Variants in FRMPD2 observed in about 807,000 individuals in gnomAD.
FRMPD2 encodes the protein FERM and PDZ domain-containing protein 2.
In FRMPD2, 96 loss-of-function variants were observed where a neutral mutation model predicts 140.1. That is an observed-to-expected ratio of 0.69 (90% CI 0.58 to 0.81). The LOEUF (loss-of-function observed/expected upper bound fraction) is 0.81. FRMPD2 is among the 40% of genes least tolerant of loss of function. FRMPD2 has a pLI of 0.00. For synonymous variants in FRMPD2, 449 were observed against 547.6 expected (o/e 0.82, Z 2.52); for missense variants, 1,240 against 1,447.4 (o/e 0.86, Z 2.32).
intron 1 of FRMPD2, among the ~76,000 whole-genome samples, chr10:48,255,054 A>C (rs552042710): frequency 6.6e-6 from 1 of 152,286 alleles, no homozygotes; most frequent in Admixed American, 6.5e-5. Context: ...GACAGTGAGG[A>C]TGTTCTGGGA....
chr10:48,228,181 C>T (rs1839769307), intron 10 of FRMPD2, among the ~76,000 whole-genome samples: 1 of 151,984 alleles, frequency 6.6e-6, no homozygotes, highest in African/African-American at 2.4e-5. Flanking sequence ...AAGATAATGA[C>T]TACATTTGTT....
intron 10 of FRMPD2, among the ~76,000 whole-genome samples, chr10:48,224,853 T>G (rs1355084966): frequency 1.3e-5 from 2 of 152,206 alleles, no homozygotes. Flanking sequence ...TATGGATCAA[T>G]AACAACACAA....
chr10:48,174,929 C>T lies in FRMPD2; in HGVS notation c.3016G>A (p.Val1006Met). The change falls in exon 24 of 29, where the codon GTG (valine) becomes ATG (methionine). Residue 1006 changes from valine to methionine, a missense_variant. Physicochemically the swap from Val to Met is conservative, Grantham distance 21. Transcript: ENST00000374201. ...TTGTGGGTGAGGCCGCACAGAATCA[C>T]TCCATCCACCTGCAGGAGTCGGTCA... ...QGDRLLQVDGVILCGLTHKQA... is the reference protein window; with the variant it reads ...QGDRLLQVDGMILCGLTHKQA... 1 of 690,556 alleles carries T rather than the reference C, an allele frequency of 1.4e-6. No individual in the cohort carries two copies. 42.8% of individuals were successfully genotyped at this position (690,556 alleles called of 1,614,324 possible).
At chr10:48,170,553 G>A (rs1441322303) in intron 26 of FRMPD2, among the ~76,000 whole-genome samples, 2 of 151,284 alleles carry the variant, frequency 1.3e-5, no homozygotes, top group Non-Finnish European at 2.9e-5. Context: ...AATATATACA[G>A]TATTTCATTA....
At chr10:48,176,815 T>C (rs1175744967) in intron 22 of FRMPD2, among the ~76,000 whole-genome samples, 1 of 136,258 alleles carries the variant, frequency 7.3e-6, no homozygotes, top group Non-Finnish European at 1.6e-5. Flanking sequence ...ATGAGCCTTA[T>C]TGCTTGGTTT....
At chr10:48,163,734 A>C in intron 27 of FRMPD2, 63 bp from the exon 28 acceptor site, 1 of 990,048 alleles carries the variant, frequency 1.0e-6, no homozygotes, top group South Asian at 1.3e-5. Flanking sequence ...TAAAAATACA[A>C]AGCTTTTTTC....
At chr10:48,244,179 T>A (rs781670761) in intron 4 of FRMPD2, among the ~76,000 whole-genome samples, 3 of 152,158 alleles carry the variant, frequency 2.0e-5, no homozygotes, top group Non-Finnish European at 4.4e-5. Context: ...GAGACAGGGT[T>A]TTGCCATGTT....
chr10:48,191,453 C>T (rs1350020711), intron 16 of FRMPD2, among the ~76,000 whole-genome samples: 1 of 152,318 alleles, frequency 6.6e-6, no homozygotes, highest in African/African-American at 2.4e-5. Flanking sequence ...TTGTTTTAAG[C>T]CACTGTGCTT....
intron 8 of FRMPD2, among the ~76,000 whole-genome samples, chr10:48,237,602 C>A (rs1839997008): frequency 6.6e-6 from 1 of 152,122 alleles, no homozygotes; most frequent in Non-Finnish European, 1.5e-5. Context: ...CCTATAGAAG[C>A]CCTCCCTGCG....
chr10:48,201,209 G>T lies in FRMPD2; in HGVS notation c.1954+19C>A. ...ACAAACTTGTCAAAGTGTATATGGA[G>T]AATACAGCTTCTACTCACCAAATAA... is the stretch of plus-strand genomic sequence containing the variant. On this transcript the variant is annotated intron_variant, in intron 15 of 28. Transcript: ENST00000374201. 2 of 1,579,336 alleles carry T rather than the reference G, an allele frequency of 1.3e-6. No individual in the cohort carries two copies. Among genetic ancestry groups the T allele is most frequent in the Non-Finnish European group, 1.7e-6 (2 of 1,161,518 alleles).
intron 8 of FRMPD2, among the ~76,000 whole-genome samples, chr10:48,236,858 A>C (rs1210201754): frequency 1.3e-5 from 2 of 152,236 alleles, no homozygotes; most frequent in Non-Finnish European, 2.9e-5. Context: ...TATGTATCAA[A>C]AGTATAAAAT....
intron 16 of FRMPD2, among the ~76,000 whole-genome samples, chr10:48,191,121 A>G (rs1017231658): frequency 1.3e-5 from 2 of 152,174 alleles, no homozygotes; most frequent in African/African-American, 4.8e-5. Flanking sequence ...CTTAGACTTG[A>G]AGAGAACTGA....
intron 22 of FRMPD2, 128 bp downstream of exon 22, chr10:48,177,919 T>C (rs1838449880): frequency 3.3e-6 from 2 of 604,838 alleles, no homozygotes; most frequent in Admixed American, 5.0e-5. Flanking sequence ...CCACTGGCTT[T>C]TTTATTTACC....
intron 13 of FRMPD2, among the ~76,000 whole-genome samples, chr10:48,209,691 G>C (rs1035016357): frequency 9.9e-5 from 15 of 152,198 alleles, no homozygotes; most frequent in Non-Finnish European, 1.8e-4. Flanking sequence ...GCTGCACGAG[G>C]TGTCTTAGCA....
rs1840057105 is a variant in FRMPD2 at position 48,239,683 on chromosome 10, C to G, written c.710G>C (p.Arg237Thr). 2 of 1,613,520 alleles carry G rather than the reference C, an allele frequency of 1.2e-6. No homozygotes were observed. Among genetic ancestry groups the G allele is most frequent in the Non-Finnish European group, 1.7e-6 (2 of 1,179,706 alleles). The change falls in exon 7 of 29, where the codon AGA becomes ACA. Residue 237 changes from arginine to threonine, a missense_variant. Arg to Thr is a moderately conservative substitution (Grantham distance 71). This residue lies in a region of FRMPD2 where 1,161 missense variants were observed against 1,055.9 expected (regional missense o/e 1.10). Coordinates refer to ENST00000374201, the MANE Select transcript of FRMPD2 (RefSeq NM_001018071.4). ...ECLHPCRVSE[R>T]STETQSSPEP... ...TGGTGAGCTCTGGGTCTCCGTGCTT[C>G]TTTCTGAAACTAATCAAGCAGCATG... is the stretch of plus-strand genomic sequence containing the variant.
chr10:48,217,339 A>T (rs1839473810), intron 12 of FRMPD2, among the ~76,000 whole-genome samples: 3 of 152,204 alleles, frequency 2.0e-5, no homozygotes, highest in African/African-American at 7.2e-5. Context: ...AAATGAATTC[A>T]TCATCCCACA....
At chr10:48,244,706 G>A (rs547355823) in intron 4 of FRMPD2, 78 bp downstream of exon 4, 3 of 1,073,172 alleles carry the variant, frequency 2.8e-6, no homozygotes, top group Non-Finnish European at 2.9e-6. Flanking sequence ...CAGTAAATGT[G>A]GTCCCTGCCC....
intron 5 of FRMPD2, among the ~76,000 whole-genome samples, chr10:48,241,850 T>C (rs1840120906): frequency 6.6e-6 from 1 of 152,194 alleles, no homozygotes; most frequent in Non-Finnish European, 1.5e-5. Flanking sequence ...GTTCTAAACA[T>C]TATTGCTTTA....
chr10:48,211,863 A>G (rs1344338877), intron 13 of FRMPD2, 91 bp downstream of exon 13: 5 of 1,301,516 alleles, frequency 3.8e-6, no homozygotes, highest in Non-Finnish European at 5.3e-6. Flanking sequence ...GGGTCTGCAC[A>G]CACCTGGGCC....
Sources: allele counts gnomAD v4.1 joint callset (sites outside exome capture counted in the v4.1 genomes callset), GRCh38; gene constraint gnomAD v4.1.1; regional missense constraint gnomAD v4.1.1; transcripts MANE v1.5; gene names NCBI Gene and HGNC (gene_info 2026-07-23, HGNC 2026-07-21).